Variants in SAMMSON observed in about 807,000 individuals in gnomAD.
The protein encoded by SAMMSON is long intergenic non-protein coding RNA 1212.
chr3:70,044,311 C>T (rs531231608), intron 3 of SAMMSON, among the ~76,000 whole-genome samples: 20 of 151,830 alleles, frequency 1.3e-4, no homozygotes, highest in East Asian at 3.9e-4. Flanking sequence ...AAATATATTG[C>T]GCTTAGGGGG....
At chr3:70,427,364 A>G (rs1286308660) in intron 2 of SAMMSON, among the ~76,000 whole-genome samples, 1 of 152,156 alleles carries the variant, frequency 6.6e-6, no homozygotes, top group Non-Finnish European at 1.5e-5. Flanking sequence ...TATTTCTTCC[A>G]TGTTATCTCA....
chr3:70,046,602 G>T (rs1381264180), intron 3 of SAMMSON, among the ~76,000 whole-genome samples: 1 of 151,946 alleles, frequency 6.6e-6, no homozygotes, highest in Non-Finnish European at 1.5e-5. Flanking sequence ...GGAAGCCTGG[G>T]AATCCTGTTT....
intron 1 of SAMMSON, among the ~76,000 whole-genome samples, chr3:70,007,420 G>A (rs1474172338): frequency 2.0e-5 from 3 of 151,838 alleles, no homozygotes; most frequent in African/African-American, 7.3e-5. Flanking sequence ...ATTTTTTCAT[G>A]TGTCTGTTGG....
At chr3:70,124,451 G>A (rs1045973189) in intron 4 of SAMMSON, among the ~76,000 whole-genome samples, 2 of 152,124 alleles carry the variant, frequency 1.3e-5, no homozygotes, top group African/African-American at 4.8e-5. Context: ...AAATTTCCAA[G>A]TGTTATAATG....
chr3:70,190,591 G>C (rs1701124191), intron 4 of SAMMSON, among the ~76,000 whole-genome samples: 1 of 152,128 alleles, frequency 6.6e-6, no homozygotes, highest in Non-Finnish European at 1.5e-5. Context: ...AAGTACGTTT[G>C]GTTACATGCA....
intron 2 of SAMMSON, among the ~76,000 whole-genome samples, chr3:70,421,039 C>G (rs1701307933): frequency 6.6e-6 from 1 of 151,886 alleles, no homozygotes; most frequent in Non-Finnish European, 1.5e-5. Flanking sequence ...TCATTTATGT[C>G]TAAAGGCCCC....
intron 4 of SAMMSON, among the ~76,000 whole-genome samples, chr3:70,178,112 A>G (rs1399981759): frequency 6.6e-6 from 1 of 152,090 alleles, no homozygotes; most frequent in Non-Finnish European, 1.5e-5. Flanking sequence ...CTGGGGATGT[A>G]TATCACCCCC....
chr3:70,323,520 G>A (rs186283941), intron 7 of SAMMSON, among the ~76,000 whole-genome samples: 204 of 152,268 alleles, frequency 1.3e-3, no homozygotes, highest in African/African-American at 2.5e-3. Context: ...TGCAGGCTGC[G>A]CACTGCAGAA....
At chr3:70,428,280 A>C (rs781033246) in intron 2 of SAMMSON, among the ~76,000 whole-genome samples, 2 of 152,188 alleles carry the variant, frequency 1.3e-5, no homozygotes, top group Non-Finnish European at 2.9e-5. Context: ...CAAACGGCCT[A>C]GAATAGCCAA....
intron 3 of SAMMSON, among the ~76,000 whole-genome samples, chr3:70,025,523 A>G (rs1339450095): frequency 6.6e-6 from 1 of 152,210 alleles, no homozygotes; most frequent in Non-Finnish European, 1.5e-5. Context: ...GATTACAGGC[A>G]TGAGCCACCG....
intron 7 of SAMMSON, among the ~76,000 whole-genome samples, chr3:70,330,566 A>C (rs879305899): frequency 1.3e-5 from 2 of 152,092 alleles, no homozygotes; most frequent in African/African-American, 2.4e-5. Context: ...ATTCATTCAA[A>C]CATTCCTTCA....
At chr3:70,391,950 A>G (rs1701052483), downstream of SAMMSON, among the ~76,000 whole-genome samples, 1 of 152,148 alleles carries the variant, frequency 6.6e-6, no homozygotes, top group Non-Finnish European at 1.5e-5. Flanking sequence ...TTAAATGCCA[A>G]ATACTCACAT....
At chr3:70,186,878 G>A (rs1701096067) in intron 4 of SAMMSON, among the ~76,000 whole-genome samples, 1 of 152,206 alleles carries the variant, frequency 6.6e-6, no homozygotes, top group African/African-American at 2.4e-5. Flanking sequence ...CCCATGACAT[G>A]TCTGTCAGAC....
intron 4 of SAMMSON, among the ~76,000 whole-genome samples, chr3:70,218,503 G>C (rs190048574): frequency 6.6e-6 from 1 of 152,134 alleles, no homozygotes; most frequent in East Asian, 1.9e-4. Flanking sequence ...ATTTTCTTTT[G>C]CTTCCTTTCG....
chr3:70,288,093 T>A (rs1226084178), intron 6 of SAMMSON, among the ~76,000 whole-genome samples: 1 of 149,014 alleles, frequency 6.7e-6, no homozygotes, highest in Non-Finnish European at 1.5e-5. Context: ...GTTCTTGCCT[T>A]CTGCTAGCTT....
At chr3:70,105,198 CT>C (rs2067362867) in intron 4 of SAMMSON, among the ~76,000 whole-genome samples, 1 of 152,108 alleles carries the variant, frequency 6.6e-6, no homozygotes, top group Non-Finnish European at 1.5e-5. Flanking sequence ...GACTAATTCA[CT>C]TTGCTTTCCT....
At chr3:70,091,103 T>C (rs1010431684) in intron 4 of SAMMSON, among the ~76,000 whole-genome samples, 1 of 152,162 alleles carries the variant, frequency 6.6e-6, no homozygotes, top group African/African-American at 2.4e-5. Flanking sequence ...ATCGACACTT[T>C]GGATGGCTTA....
chr3:70,155,131 A>G (rs1231195496), intron 4 of SAMMSON, among the ~76,000 whole-genome samples: 2 of 151,960 alleles, frequency 1.3e-5, no homozygotes, highest in Admixed American at 6.6e-5. Context: ...ATGCTATAAT[A>G]GGTACCTATA....
intron 4 of SAMMSON, among the ~76,000 whole-genome samples, chr3:70,091,267 T>G (rs770146582): frequency 6.6e-6 from 1 of 152,166 alleles, no homozygotes; most frequent in Non-Finnish European, 1.5e-5. Flanking sequence ...TGATTGTGTA[T>G]GTGAAGCCCT....
Sources: gnomAD v4.1 joint callset for allele counts (sites outside exome capture counted in the v4.1 genomes callset) on GRCh38, gnomAD v4.1.1 for gene constraint, MANE v1.5 for transcripts, NCBI Gene and HGNC (gene_info 2026-07-23, HGNC 2026-07-21) for gene names.